Variants in ADCY8 observed in about 807,000 individuals in gnomAD.
The protein encoded by ADCY8 is adenylate cyclase type 8.
Under a neutral mutation model 119.7 loss-of-function variants are expected in ADCY8, and 51 were observed. The observed-to-expected ratio is 0.43, with a 90% CI of 0.34 to 0.54. ADCY8 has a LOEUF of 0.54. ADCY8 is among the 20% of genes least tolerant of loss of function. The pLI is 0.03. For missense variants in ADCY8, 1,383 were observed against 1,598.8 expected (o/e 0.87, Z 2.30); for synonymous variants, 665 against 651.0 (o/e 1.02, Z -0.33).
At chr8:130,784,667 G>T (rs573380866) in intron 16 of ADCY8, among the ~76,000 whole-genome samples, 1 of 152,192 alleles carries the variant, frequency 6.6e-6, no homozygotes, top group African/African-American at 2.4e-5. Context: ...CAGATGGTGG[G>T]CCAGATTTGA....
chr8:130,994,934 G>A (rs1196518225), intron 1 of ADCY8, among the ~76,000 whole-genome samples: 4 of 152,102 alleles, frequency 2.6e-5, no homozygotes, highest in East Asian at 1.9e-4. Flanking sequence ...GGTGACTCTG[G>A]GGTGTGGAGT....
At chr8:130,907,567 A>G (rs1755964917) in intron 6 of ADCY8, among the ~76,000 whole-genome samples, 1 of 152,214 alleles carries the variant, frequency 6.6e-6, no homozygotes, top group Admixed American at 6.5e-5. Context: ...ATTACAGTGA[A>G]GAAACTGGGA....
intron 1 of ADCY8, among the ~76,000 whole-genome samples, chr8:130,997,731 T>G (rs1430535478): frequency 2.0e-5 from 3 of 152,294 alleles, no homozygotes; most frequent in Non-Finnish European, 2.9e-5. Context: ...TTACTAAATG[T>G]TTTGATGGAA....
intron 1 of ADCY8, among the ~76,000 whole-genome samples, 198 bp downstream of exon 1, chr8:131,039,176 C>CT (rs1241947169): frequency 6.6e-6 from 1 of 152,166 alleles, no homozygotes; most frequent in Non-Finnish European, 1.5e-5. Context: ...TTGGTAGAAA[C>CT]TTTTAGAGGT....
At chr8:130,899,612 A>G (rs1340826964) in intron 7 of ADCY8, among the ~76,000 whole-genome samples, 2 of 151,974 alleles carry the variant, frequency 1.3e-5, no homozygotes, top group Non-Finnish European at 2.9e-5. Flanking sequence ...TCTCAATAAA[A>G]AAAAAAAAGG....
Position 130,961,455 on chromosome 8 carries a change from AGAG to A in ADCY8, c.1111-9460_1111-9458del, listed in dbSNP as rs1221449143. 4.6e-5 allele frequency among the ~76,000 whole-genome samples: 7 copies of A among 152,212 alleles called. No homozygotes were observed. The East Asian group carries it at 1.4e-3, about 29-fold the overall frequency. On this transcript the variant is annotated intron_variant, in intron 2 of 17. Transcript: ENST00000286355. ...AATCTCTTCATAAATCTCTTTATGA[AGAG>A]ATTTATGAGTCTTTATGAGTCTTCA...
intron 8 of ADCY8, among the ~76,000 whole-genome samples, chr8:130,881,725 A>T (rs1040592681): frequency 6.6e-6 from 1 of 152,120 alleles, no homozygotes; most frequent in Non-Finnish European, 1.5e-5. Context: ...TGAAATCAGC[A>T]TGCACCTTAT....
At chr8:131,034,400 C>T (rs1173785454) in intron 1 of ADCY8, among the ~76,000 whole-genome samples, 1 of 152,004 alleles carries the variant, frequency 6.6e-6, no homozygotes, top group Non-Finnish European at 1.5e-5. Context: ...AAAGTCAGCT[C>T]CCCTCCTGAA....
Position 131,039,994 on chromosome 8 carries a change from CG to C in ADCY8, c.339del (p.Ser113ArgfsTer72). On this transcript the variant is annotated frameshift_variant, in exon 1 of 18. Coordinates refer to ENST00000286355, the MANE Select transcript of ADCY8 (RefSeq NM_001115.3). LOFTEE classifies it high-confidence loss of function. ...TCGTKVFPER[S>X]GSGSASGSGG... ...CCGCTGCCGCTGGCACTGCCGCTCC[CG>C]CTGCGTTCCGGGAAGACTTTGGTGC... 1 of 1,567,672 alleles carries C rather than the reference CG, an allele frequency of 6.4e-7. No homozygotes were observed. The highest frequency in any genetic ancestry group is 8.6e-7 in the Non-Finnish European group (1 of 1,158,166).
chr8:130,859,301 T>C (rs1165536306), intron 9 of ADCY8, among the ~76,000 whole-genome samples: 1 of 152,238 alleles, frequency 6.6e-6, no homozygotes, highest in Non-Finnish European at 1.5e-5. Context: ...AGGATATTTC[T>C]AACTTTCTCC....
chr8:130,892,062 G>A (rs1201226900), intron 7 of ADCY8: 1 of 152,120 alleles, frequency 6.6e-6, no homozygotes, highest in African/African-American at 2.4e-5. Context: ...GTGGGAGAAG[G>A]TCTGTGGGAT....
intron 1 of ADCY8, among the ~76,000 whole-genome samples, chr8:130,991,747 ATCTAT>A (rs1485105348): frequency 6.6e-6 from 1 of 152,280 alleles, no homozygotes; most frequent in African/African-American, 2.4e-5. Context: ...GTCAACAGAC[ATCTAT>A]TCTAATCTGA....
chr8:130,792,365 T>A (rs1312034360), intron 15 of ADCY8, among the ~76,000 whole-genome samples: 1 of 152,246 alleles, frequency 6.6e-6, no homozygotes, highest in Non-Finnish European at 1.5e-5. Context: ...TGTGGTATCA[T>A]CATGTCTTAC....
At chr8:130,978,002 A>G (rs1822125446) in intron 2 of ADCY8, among the ~76,000 whole-genome samples, 1 of 152,198 alleles carries the variant, frequency 6.6e-6, no homozygotes, top group Admixed American at 6.5e-5. Flanking sequence ...GTAGTAAGGA[A>G]TGAGTTAGTG....
At chr8:130,843,824 A>G (rs263260) in intron 11 of ADCY8, among the ~76,000 whole-genome samples, 32,174 of 152,176 alleles carry the variant, frequency 0.21, 4,276 homozygotes, top group South Asian at 0.43. Context: ...GATGGAAAGG[A>G]TGTCCTAGAT....
intron 1 of ADCY8, chr8:130,990,853 T>A (rs1307046378): frequency 1.0e-5 from 2 of 194,478 alleles, no homozygotes; most frequent in African/African-American, 4.7e-5. Flanking sequence ...CTTATCTGTC[T>A]CCCCTTCACC....
chr8:130,894,114 T>A (rs965284290), intron 7 of ADCY8, among the ~76,000 whole-genome samples: 1 of 152,186 alleles, frequency 6.6e-6, no homozygotes, highest in South Asian at 2.1e-4. Flanking sequence ...ACTAATCACA[T>A]GTAGTTATTG....
At chr8:130,962,445 T>G (rs2130686039) in intron 2 of ADCY8, among the ~76,000 whole-genome samples, 1 of 152,312 alleles carries the variant, frequency 6.6e-6, no homozygotes, top group Middle Eastern at 3.4e-3. Context: ...TGCACATCTT[T>G]TTCTCCCTGA....
intron 11 of ADCY8, among the ~76,000 whole-genome samples, chr8:130,837,819 G>A (rs867960637): frequency 3.9e-5 from 6 of 152,212 alleles, no homozygotes; most frequent in African/African-American, 7.2e-5. Context: ...TGGTCAAGAT[G>A]GGAGTCATAA....
Sources: allele counts gnomAD v4.1 joint callset (sites outside exome capture counted in the v4.1 genomes callset), GRCh38; gene constraint gnomAD v4.1.1; transcripts MANE v1.5; gene names NCBI Gene and HGNC (gene_info 2026-07-23, HGNC 2026-07-21).